DHX38: variants seen among roughly 807,000 people sequenced by gnomAD.
DHX38 encodes DEAH-box helicase 38, also known as pre-mRNA-splicing factor ATP-dependent RNA helicase PRP16.
DHX38 carries 100 observed loss-of-function variants against 153.1 expected under a neutral mutation model. That is an observed-to-expected ratio of 0.65 (90% CI 0.56 to 0.77). The LOEUF is 0.77. Among genes scored for constraint, DHX38 ranks in the 30% least tolerant of loss-of-function variants. The probability of loss-of-function intolerance (pLI) is 0.00; values close to 1 mark genes in which losing one functional copy is unlikely to be tolerated. For missense variants in DHX38, 1,440 were observed against 1,654.0 expected, an observed-to-expected ratio of 0.87 and a Z score of 2.24; for synonymous variants, 650 against 631.7, an observed-to-expected ratio of 1.03 and a Z score of -0.43.
chr16:72,104,444 G>C lies in DHX38; in HGVS notation c.2011-42G>C. On this transcript the variant is annotated intron_variant, in intron 14 of 26. Coordinates refer to ENST00000268482, the MANE Select transcript of DHX38 (RefSeq NM_014003.4). The surrounding 1 kb of genome is among the most constrained non-coding windows in gnomAD (Gnocchi z 4.5). ...GATGGGACTGGGGGACAGGAGCCAA[G>C]GGTCCCCACCATGGGGGCCTCCGAG... The C allele has an allele frequency of 6.2e-7, 1 of 1,608,152 alleles. No homozygotes were observed. Among genetic ancestry groups the C allele is most frequent in the Non-Finnish European group, 8.5e-7 (1 of 1,178,948 alleles).
rs1216976993 is a variant in DHX38, at chr16:72,096,393, A to G, written c.236A>G (p.Tyr79Cys). ...AAGAAGAAGTCCAAAGTCTCCTCCT[A>G]CAAGGACTGGGAAGAGAGCAAGGAT... ...EDKKKSKVSS[Y>C]KDWEESKDDQ... The change falls in exon 2 of 27, where the codon TAC (tyrosine) becomes TGC (cysteine). Residue 79 changes from tyrosine (Y) to cysteine (C), a missense_variant. Coordinates refer to ENST00000268482, the MANE Select transcript of DHX38 (RefSeq NM_014003.4). 5 of 1,614,076 alleles carry G rather than the reference A, an allele frequency of 3.1e-6. No homozygotes were observed. The highest frequency in any genetic ancestry group is 2.2e-5 in the East Asian group (1 of 44,894).
rs1228940907 is a variant in DHX38, at chr16:72,107,649, T to A, written c.2814T>A (p.Gly938=). 6.2e-7 allele frequency: 1 copy of A among 1,614,026 alleles called. No individual in the cohort carries two copies. Among genetic ancestry groups the A allele is most frequent in the Non-Finnish European group, 8.5e-7 (1 of 1,180,010 alleles). The change falls in exon 21 of 27, where the codon GGT becomes GGA. Residue 938 remains glycine, a synonymous_variant. Coordinates refer to ENST00000268482, the MANE Select transcript of DHX38 (RefSeq NM_014003.4). This position sits in a 1 kb window ranked among gnomAD's most constrained non-coding sequence, Gnocchi z 5.3. ...GGGTTTGCTCATCTCTCCTAGGTGGTCTGACCTCTACCGGGCGGCTGATGG... is the reference window on the plus strand; with the variant it reads ...GGGTTTGCTCATCTCTCCTAGGTGGACTGACCTCTACCGGGCGGCTGATGG... ...WILGALDNTG[G]LTSTGRLMVE... is the part of the protein sequence containing the mutation.
chr16:72,104,853 G>A lies in DHX38; in HGVS notation c.2152-174G>A, dbSNP rs1447284770. 6.6e-6 allele frequency among the ~76,000 whole-genome samples: 1 copy of A among 152,162 alleles called. No individual in the cohort carries two copies. Among genetic ancestry groups the A allele is most frequent in the African/African-American group, 2.4e-5 (1 of 41,418 alleles). Reference sequence around the variant, plus strand: ...TTTGAGGCTGAAGTACAGGGCCCAGGGAGGCACTGTGCCCTCTTGTAGAGG... The same window carrying A: ...TTTGAGGCTGAAGTACAGGGCCCAGAGAGGCACTGTGCCCTCTTGTAGAGG... On this transcript the variant is annotated intron_variant, in intron 15 of 26. Coordinates refer to ENST00000268482, the MANE Select transcript of DHX38 (RefSeq NM_014003.4). This position sits in a 1 kb window ranked among gnomAD's most constrained non-coding sequence, Gnocchi z 4.5.
At position 72,103,069 on chromosome 16, in the gene DHX38, C is replaced by T. The variant is rs1024620630; in HGVS notation, c.1500-5C>T. 6.2e-7 allele frequency: 1 copy of T among 1,614,038 alleles called. No homozygotes were observed. Among genetic ancestry groups the T allele is most frequent in the Non-Finnish European group, 8.5e-7 (1 of 1,179,964 alleles). ...CAGGGTGTTTAGGCTGCTGTGTGTT[C>T]CTAGGACAGAGCAGAAGTTTGCAGA... On this transcript the variant is annotated splice_region_variant and splice_polypyrimidine_tract_variant and intron_variant, in intron 11 of 26. Transcript: ENST00000268482.
At chr16:72,103,544 G>T in intron 12 of DHX38, 58 bp from the exon 13 acceptor site, 1 of 1,563,808 alleles carries the variant, frequency 6.4e-7, no homozygotes. Flanking sequence ...TCTTCTTGGA[G>T]GCTGGGTGTT....
intron 24 of DHX38, 130 bp downstream of exon 24, chr16:72,109,055 ATG>A (rs2042223347): frequency 7.2e-7 from 1 of 1,380,106 alleles, no homozygotes; most frequent in Admixed American, 2.8e-5. Flanking sequence ...TTTGCGGGGC[ATG>A]TGAGGTTGGT....
Position 72,099,037 on chromosome 16 carries a change from G to T in DHX38, c.875G>T (p.Arg292Met). The T allele has an allele frequency of 6.2e-7, 1 of 1,612,650 alleles. No individual in the cohort carries two copies. Among genetic ancestry groups the T allele is most frequent in the East Asian group, 2.2e-5 (1 of 44,880 alleles). The change falls in exon 6 of 27, where the codon AGG (arginine) becomes ATG (methionine). Residue 292 changes from arginine to methionine, a missense_variant. Physicochemically the swap from Arg to Met is moderately conservative, Grantham distance 91. Around this residue, in one of 6 missense-constraint regions of DHX38, gnomAD observed 483 missense variants for 465.1 expected, o/e 1.04. Transcript: ENST00000268482. ...RHLGSTPRLS[R>M]GRGRREEGEE... ...TTGGGGTCCACCCCGCGTCTGTCCA[G>T]GGGCCGAGGTGAGGCCTGTGGGGCA...
Position 72,104,025 on chromosome 16 carries a change from G to GA in DHX38, c.1905dup (p.Glu636ArgfsTer27). On this transcript the variant is annotated frameshift_variant, in exon 14 of 27. Transcript: ENST00000268482. LOFTEE classifies it high-confidence loss of function. The surrounding 1 kb of genome is among the most constrained non-coding windows in gnomAD (Gnocchi z 4.5). ...TACATGACTGACGGGATCCTGCTCC[G>GA]AGAGTCCCTCCGGGAAGCCGACCTG... is the stretch of plus-strand genomic sequence containing the variant. The GA allele has an allele frequency of 6.2e-7, 1 of 1,614,156 alleles. No homozygotes were observed. The highest frequency in any genetic ancestry group is 8.5e-7 in the Non-Finnish European group (1 of 1,180,040).
Position 72,111,071 on chromosome 16 carries a change from G to A in DHX38, c.3593G>A (p.Ser1198Asn), listed in dbSNP as rs1349695228. The change falls in exon 26 of 27, where the codon AGT (serine) becomes AAT (asparagine). Residue 1198 changes from serine to asparagine, a missense_variant. Transcript: ENST00000268482. Reference protein sequence around the residue: ...QEQEKRSPLGSVRSTKIYTPG... With the variant: ...QEQEKRSPLGNVRSTKIYTPG... ...CAGGAGAAGCGCAGCCCCCTGGGCAGTGTCAGGTGAGCTCCGGCCTTCGGG... is the reference window on the plus strand; with the variant it reads ...CAGGAGAAGCGCAGCCCCCTGGGCAATGTCAGGTGAGCTCCGGCCTTCGGG... 11 of 1,563,288 alleles carry A rather than the reference G, an allele frequency of 7.0e-6. No individual in the cohort carries two copies. The South Asian group carries it at 8.2e-5, about 12-fold the overall frequency.
rs770501194 is a variant in DHX38 at position 72,112,451 on chromosome 16, G to C, written c.3638G>C (p.Gly1213Ala). The C allele has an allele frequency of 1.2e-6, 2 of 1,611,686 alleles. No individual in the cohort carries two copies. Among genetic ancestry groups the C allele is most frequent in the South Asian group, 2.2e-5 (2 of 91,076 alleles). ...KIYTPGRKEQ[G>A]EPMTPRRTPA... is the part of the protein sequence containing the mutation. The stretch of plus-strand genomic sequence containing the variant: ...TACACTCCAGGCCGGAAAGAGCAAG[G>C]GGAGCCCATGACCCCTCGCCGCACG... Residue 1213 changes from glycine (G) to alanine (A), a missense_variant, in exon 27 of 27, where the codon GGG becomes GCG. Gly to Ala is a moderately conservative substitution (Grantham distance 60). Coordinates refer to ENST00000268482, the MANE Select transcript of DHX38 (RefSeq NM_014003.4).
At chr16:72,099,423 A>G (rs2042067078) in intron 7 of DHX38, 143 bp downstream of exon 7, 1 of 790,782 alleles carries the variant, frequency 1.3e-6, no homozygotes, top group East Asian at 2.7e-5. Context: ...GCAGAGGCAT[A>G]GACGGCACGG....
intron 12 of DHX38, 108 bp from the exon 13 acceptor site, chr16:72,103,494 C>T: frequency 7.8e-7 from 1 of 1,280,052 alleles, no homozygotes; most frequent in Non-Finnish European, 1.1e-6. Flanking sequence ...AACCGGCATG[C>T]TCCCTGGATA....
chr16:72,111,192 C>A, intron 26 of DHX38, 115 bp downstream of exon 26: 1 of 1,394,598 alleles, frequency 7.2e-7, no homozygotes, highest in Non-Finnish European at 9.4e-7. Flanking sequence ...TGAAGGCAAA[C>A]TGGTGACAGA....
intron 25 of DHX38, 25 bp downstream of exon 25, chr16:72,109,535 G>A: frequency 6.3e-7 from 1 of 1,596,226 alleles, no homozygotes; most frequent in South Asian, 1.1e-5. Flanking sequence ...CTCTTCGCAG[G>A]GGTGCTGTTT....
chr16:72,099,790 T>A lies in DHX38; in HGVS notation c.1019T>A (p.Leu340Gln). Residue 340 changes from leucine (L) to glutamine (Q), a missense_variant, in exon 8 of 27, where the codon CTG (leucine) becomes CAG (glutamine). Physicochemically the swap from Leu to Gln is moderately radical, Grantham distance 113. Transcript: ENST00000268482. ...DEGYDEFHNPLAYSSEDYVRR... is the reference protein window; with the variant it reads ...DEGYDEFHNPQAYSSEDYVRR... ...GGCTATGACGAGTTCCACAACCCGCTGGCCTACTCCTCCGAGGACTACGTG... is the reference window on the plus strand; with the variant it reads ...GGCTATGACGAGTTCCACAACCCGCAGGCCTACTCCTCCGAGGACTACGTG... The A allele has an allele frequency of 6.2e-7, 1 of 1,614,206 alleles. No homozygotes were observed. The highest frequency in any genetic ancestry group is 8.5e-7 in the Non-Finnish European group (1 of 1,180,026).
At position 72,099,146 on chromosome 16, in the gene DHX38, C is replaced by T. The variant is rs570497524; in HGVS notation, c.884-58C>T. ...GAGCTGCATGGCCCTGCAGATCTGTCTGGGGCCGCTGGGGACAGGCCAGGG... is the reference window on the plus strand; with the variant it reads ...GAGCTGCATGGCCCTGCAGATCTGTTTGGGGCCGCTGGGGACAGGCCAGGG... On this transcript the variant is annotated intron_variant, in intron 6 of 26. Coordinates refer to ENST00000268482, the MANE Select transcript of DHX38 (RefSeq NM_014003.4). 3 of 1,591,384 alleles carry T rather than the reference C, an allele frequency of 1.9e-6. No homozygotes were observed. The Admixed American group carries it at 5.2e-5, about 27-fold the overall frequency.
chr16:72,112,754 A>G lies in DHX38; in HGVS notation c.*257A>G. 1 of 703,158 alleles carries G rather than the reference A, an allele frequency of 1.4e-6. No homozygotes were observed. The highest frequency in any genetic ancestry group is 2.6e-6 in the Non-Finnish European group (1 of 385,262). The allele number at this position is 703,158 out of a possible 1,614,324, so 43.6% of individuals were successfully genotyped here. A position where few individuals can be genotyped will look rare whatever the true frequency, so the allele number is the denominator to read the frequency against. On this transcript the variant is annotated 3_prime_UTR_variant, in exon 27 of 27. Transcript: ENST00000268482. ...GGGGCAGCGGGAGGTGGCTGGACCC[A>G]TCGCATCTAAAACTGGCCCAGGACA...
intron 19 of DHX38, among the ~76,000 whole-genome samples, chr16:72,106,759 C>G (rs1197694478): frequency 6.6e-6 from 1 of 152,150 alleles, no homozygotes; most frequent in Non-Finnish European, 1.5e-5. Flanking sequence ...CTCTCTTCCC[C>G]TTTTTTGTTC....
intron 18 of DHX38, 71 bp downstream of exon 18, chr16:72,105,695 A>C: frequency 6.8e-7 from 1 of 1,476,372 alleles, no homozygotes; most frequent in African/African-American, 1.4e-5. Context: ...GTGGGAAGCC[A>C]GGGCCTCGCT....
Sources: gnomAD v4.1 joint callset for allele counts (sites outside exome capture counted in the v4.1 genomes callset) on GRCh38, gnomAD v4.1.1 for gene constraint, gnomAD v4.1.1 regional missense constraint, Gnocchi (gnomAD v3.1) non-coding constraint, MANE v1.5 for transcripts, NCBI Gene and HGNC (gene_info 2026-07-23, HGNC 2026-07-21) for gene names.